Variants in PFKFB2 observed in about 807,000 individuals in gnomAD.
PFKFB2 encodes 6-phosphofructo-2-kinase/fructose-2,6-biphosphatase 2.
Under a neutral mutation model 68.0 loss-of-function variants are expected in PFKFB2, and 53 were observed. The ratio of observed to expected loss-of-function variants is 0.78; its 90% CI spans 0.63 to 0.98. The LOEUF (loss-of-function observed/expected upper bound fraction) is 0.98. Ranked by LOEUF, PFKFB2 falls within the 50% of genes least tolerant of loss-of-function variation. The probability of loss-of-function intolerance (pLI) is 0.00; values close to 1 mark genes in which losing one functional copy is unlikely to be tolerated. For missense variants in PFKFB2, 451 were observed against 642.0 expected, an observed-to-expected ratio of 0.70 and a Z score of 3.22; for synonymous variants, 222 against 227.6, an observed-to-expected ratio of 0.98 and a Z score of 0.22.
chr1:207,053,193 G>A (rs1203607442), upstream of PFKFB2: 1 of 152,342 alleles, frequency 6.6e-6, no homozygotes, highest in African/African-American at 2.4e-5. Flanking sequence ...CCGATTGGTG[G>A]ATGATTCTCT....
At chr1:207,068,867 C>T (rs1474431376) in intron 10 of PFKFB2, among the ~76,000 whole-genome samples, 1 of 152,024 alleles carries the variant, frequency 6.6e-6, no homozygotes, top group Non-Finnish European at 1.5e-5. Flanking sequence ...CTCCCTCAGC[C>T]TCCCGAGTAG....
chr1:207,039,965 G>C (rs1457435999), intron 1 of PFKFB2, among the ~76,000 whole-genome samples: 1 of 152,148 alleles, frequency 6.6e-6, no homozygotes. Flanking sequence ...AGAGAACAAG[G>C]AGAACAGGCA....
upstream of PFKFB2, chr1:207,050,971 G>C (rs1192385719): frequency 1.3e-6 from 2 of 1,545,500 alleles, no homozygotes; most frequent in South Asian, 2.3e-5. Flanking sequence ...GGGAGACGCC[G>C]CCGGGGAAAC....
chr1:207,064,964 C>T (rs2102355232), intron 7 of PFKFB2, 72 bp from the exon 8 acceptor site: 1 of 1,506,952 alleles, frequency 6.6e-7, no homozygotes. Flanking sequence ...TTTTTTTTAG[C>T]AGTGGCTATT....
At chr1:207,068,047 G>A (rs546159628) in intron 9 of PFKFB2, 116 bp from the exon 10 acceptor site, 29 of 896,204 alleles carry the variant, frequency 3.2e-5, no homozygotes, top group African/African-American at 8.5e-5. Context: ...GGTTATGCAC[G>A]TTGTCCCTTA....
chr1:207,063,888 G>GGA lies in PFKFB2; in HGVS notation c.507+60_507+61insAG. 1 of 1,015,392 alleles carries GGA rather than the reference G, an allele frequency of 9.8e-7. No homozygotes were observed. The allele number at this position is 1,015,392 out of a possible 1,614,324, so 62.9% of individuals were successfully genotyped here. ...ACCTTTTGTGCTGTGTGTGTTGTGG[G>GGA]GTGTGTGTGTGTGTGTGTGTGTGTG... On this transcript the variant is annotated intron_variant, in intron 7 of 14. Transcript: ENST00000367080. This position sits in a 1 kb window ranked among gnomAD's most constrained non-coding sequence, Gnocchi z 4.1.
intron 2 of PFKFB2, among the ~76,000 whole-genome samples, chr1:207,043,380 G>T (rs922784015): frequency 1.3e-5 from 2 of 152,124 alleles, no homozygotes; most frequent in African/African-American, 4.8e-5. Context: ...GAGAAAGAAT[G>T]GGTTAAATAG....
In PFKFB2 at chr1:207,062,553, A is replaced by G. The variant is rs1572724318; in HGVS notation, c.212-67A>G. 3.8e-6 allele frequency: 6 copies of G among 1,581,762 alleles called. No individual in the cohort carries two copies. In the East Asian group the frequency reaches 1.3e-4, roughly 35 times the overall value. ...TTGGTCACTCCGACATTAGGCCAAG[A>G]AACAAGTCCCATTTGGTGGGGCCAT... On this transcript the variant is annotated intron_variant, in intron 3 of 14. Transcript: ENST00000367080.
chr1:207,050,352 G>A (rs547874198), upstream of PFKFB2, among the ~76,000 whole-genome samples: 7 of 152,234 alleles, frequency 4.6e-5, no homozygotes, highest in African/African-American at 1.7e-4. Context: ...TAGGGAAAAA[G>A]AGACATAAGG....
intron 8 of PFKFB2, among the ~76,000 whole-genome samples, chr1:207,067,183 A>G: frequency 6.6e-6 from 1 of 152,312 alleles, no homozygotes; most frequent in South Asian, 2.1e-4. Flanking sequence ...TGGGCTTAGC[A>G]AAATCTTCAG....
intron 2 of PFKFB2, among the ~76,000 whole-genome samples, chr1:207,061,165 T>TTA (rs201702529): frequency 0.062 from 2,792 of 44,734 alleles, 144 homozygotes; most frequent in East Asian, 0.13. Context: ...ATATATATCT[T>TTA]TATATATATA....
chr1:207,042,113 C>T (rs1682488313), intron 1 of PFKFB2: 1 of 152,112 alleles, frequency 6.6e-6, no homozygotes, highest in African/African-American at 2.4e-5. Context: ...ATACATGTCC[C>T]AAAATTTGAA....
chr1:207,035,096 C>T lies in PFKFB2; in HGVS notation c.-62+624C>T, dbSNP rs1682351377. 4.4e-6 allele frequency: 4 copies of T among 909,460 alleles called. No individual in the cohort carries two copies. In the Admixed American group the frequency reaches 1.9e-4, roughly 42 times the overall value. The allele number at this position is 909,460 out of a possible 1,614,324, so 56.3% of individuals were successfully genotyped here. ...ATTTGAGGGGGTATGTGTGTCATTG[C>T]TCTTAGTATGTAAATGCCTGTTTGA... On this transcript the variant is annotated intron_variant, in intron 1 of 5. Transcript: ENST00000545806.
chr1:207,076,406 C>T lies in PFKFB2; in HGVS notation c.*4035C>T. ...GCACATTCCATTGTCTTTGCCAAGC[C>T]CAGAAGCCATGTTGTGTTCATTGTT... On this transcript the variant is annotated 3_prime_UTR_variant, in exon 15 of 15. Coordinates refer to ENST00000367080, the MANE Select transcript of PFKFB2 (RefSeq NM_006212.2). 9 of 985,038 alleles carry T rather than the reference C, an allele frequency of 9.1e-6. No homozygotes were observed. The highest frequency in any genetic ancestry group is 1.1e-5 in the Non-Finnish European group (9 of 829,762). The allele number at this position is 985,038 out of a possible 1,614,324, so 61.0% of individuals were successfully genotyped here.
At chr1:207,050,858 TG>T (rs1682728148), upstream of PFKFB2, 1 of 1,612,466 alleles carries the variant, frequency 6.2e-7, no homozygotes, top group Admixed American at 1.7e-5. Context: ...CTGCAAAACA[TG>T]GGTGCCGTCC....
upstream of PFKFB2, among the ~76,000 whole-genome samples, chr1:207,051,801 T>A (rs1444310743): frequency 6.6e-6 from 1 of 152,206 alleles, no homozygotes; most frequent in African/African-American, 2.4e-5. Flanking sequence ...TGCTAGATTA[T>A]CTGTACCTTT....
chr1:207,050,718 T>C (rs36109022), upstream of PFKFB2: 3 of 1,613,048 alleles, frequency 1.9e-6, no homozygotes, highest in African/African-American at 4.0e-5. Context: ...TCCAGAATGG[T>C]ATCCCCATTG....
intron 2 of PFKFB2, among the ~76,000 whole-genome samples, chr1:207,055,280 C>T (rs1682885030): frequency 6.6e-6 from 1 of 152,204 alleles, no homozygotes; most frequent in Admixed American, 6.5e-5. Context: ...TGAGCCCTGA[C>T]ACTTGGCTTC....
chr1:207,072,135 T>C, intron 14 of PFKFB2, 69 bp from the exon 15 acceptor site: 5 of 1,579,020 alleles, frequency 3.2e-6, no homozygotes, highest in Middle Eastern at 1.7e-4. Flanking sequence ...TACAAGCGCA[T>C]TATTAACCTG....
Sources: gnomAD v4.1 joint callset for allele counts (sites outside exome capture counted in the v4.1 genomes callset) on GRCh38, gnomAD v4.1.1 for gene constraint, Gnocchi (gnomAD v3.1) non-coding constraint, MANE v1.5 for transcripts, NCBI Gene and HGNC (gene_info 2026-07-23, HGNC 2026-07-21) for gene names.